Variants in FXR2 observed in about 807,000 individuals in gnomAD.
FXR2 encodes the protein FMR1 autosomal homolog 2.
In FXR2, 9 loss-of-function variants were observed where a neutral mutation model predicts 87.3. The observed-to-expected ratio is 0.10, with a 90% confidence interval of 0.06 to 0.18. The LOEUF (loss-of-function observed/expected upper bound fraction) is 0.18. Ranked by LOEUF, FXR2 falls within the 10% of genes least tolerant of loss-of-function variation. The pLI, the probability that FXR2 is intolerant of heterozygous loss-of-function variation, is 1.00. For missense variants in FXR2, 661 were observed against 893.6 expected, an observed-to-expected ratio of 0.74 and a Z score of 3.32; for synonymous variants, 331 against 328.3, an observed-to-expected ratio of 1.01 and a Z score of -0.09.
intron 1 of FXR2, among the ~76,000 whole-genome samples, chr17:7,611,759 C>T (rs1016912444): frequency 2.6e-5 from 4 of 152,120 alleles, no homozygotes; most frequent in Admixed American, 6.6e-5. Flanking sequence ...ATGTACAATT[C>T]CAGAAGCAGT....
rs978802845 is a variant in FXR2, at chr17:7,593,519, TCGCTGCCAC to T, written c.1205_1213del (p.Gly402_Ser404del). 24 of 1,588,016 alleles carry T rather than the reference TCGCTGCCAC, an allele frequency of 1.5e-5. No individual in the cohort carries two copies. Among genetic ancestry groups the T allele is most frequent in the Middle Eastern group, 1.6e-4 (1 of 6,068 alleles). ...CTCATCAGTGCTATATCCAGCCTTG[TCGCTGCCAC>T]CGCTGCCCCGCCCACTCCCAGGAGG... On this transcript the variant is annotated inframe_deletion, in exon 12 of 17. Transcript: ENST00000250113. The surrounding 1 kb of genome is among the most constrained non-coding windows in gnomAD (Gnocchi z 6.1).
chr17:7,609,955 C>CATATACATGTATATGTATACAT (rs2071839932), intron 1 of FXR2, among the ~76,000 whole-genome samples: 1 of 86,414 alleles, frequency 1.2e-5, no homozygotes, highest in Non-Finnish European at 2.4e-5. Flanking sequence ...TATATGTATA[C>CATATACATGTATATGTATACAT]ATATATATAC....
Position 7,591,521 on chromosome 17 carries a change from C to T in FXR2, c.*309G>A, listed in dbSNP as rs951840609. Reference sequence around the variant, plus strand: ...ATCTGGGTGGGTCGAGGAGCACCCCCCACCAACAGGTGGAGAATGGGGGTG... The same window carrying T: ...ATCTGGGTGGGTCGAGGAGCACCCCTCACCAACAGGTGGAGAATGGGGGTG... On this transcript the variant is annotated 3_prime_UTR_variant, in exon 17 of 17. Transcript: ENST00000250113. The surrounding 1 kb of genome is among the most constrained non-coding windows in gnomAD (Gnocchi z 4.0). 1.4e-5 allele frequency: 5 copies of T among 350,886 alleles called. No homozygotes were observed. In the Admixed American group the frequency reaches 2.2e-4, roughly 15 times the overall value. 21.7% of individuals were successfully genotyped at this position (350,886 alleles called of 1,614,324 possible).
In FXR2 at chr17:7,592,141, A is replaced by T; in HGVS notation, c.1926+113T>A. 6.5e-7 allele frequency: 1 copy of T among 1,535,702 alleles called. No individual in the cohort carries two copies. The highest frequency in any genetic ancestry group is 2.3e-5 in the East Asian group (1 of 44,182). ...CAAAGTTTACACTGGTCTAAACTCC[A>T]TCAGACACAGCTGCCTCTGCAATTC... On this transcript the variant is annotated intron_variant, in intron 16 of 16. Transcript: ENST00000250113. This position sits in a 1 kb window ranked among gnomAD's most constrained non-coding sequence, Gnocchi z 4.8.
chr17:7,600,963 T>C (rs966732821), intron 7 of FXR2, among the ~76,000 whole-genome samples: 7 of 151,798 alleles, frequency 4.6e-5, no homozygotes, highest in Admixed American at 4.6e-4. Flanking sequence ...GTGGATCACA[T>C]GAGGCCAGGA....
intron 2 of FXR2, 177 bp downstream of exon 2, chr17:7,605,920 A>G: frequency 1.6e-6 from 1 of 644,604 alleles, no homozygotes; most frequent in Non-Finnish European, 2.7e-6. Flanking sequence ...TACTGGGTCA[A>G]ATGCCCCCAC....
intron 1 of FXR2, among the ~76,000 whole-genome samples, chr17:7,610,130 G>C (rs1425132231): frequency 6.6e-6 from 1 of 151,810 alleles, no homozygotes; most frequent in Non-Finnish European, 1.5e-5. Flanking sequence ...GGGTGGCTGA[G>C]ATATGAGAAT....
At chr17:7,601,703 C>CG (rs1334221963) in intron 6 of FXR2, among the ~76,000 whole-genome samples, 178 bp from the exon 7 acceptor site, 1 of 152,018 alleles carries the variant, frequency 6.6e-6, no homozygotes, top group African/African-American at 2.4e-5. Flanking sequence ...CCAAGGCAGG[C>CG]GGATCACGAG....
intron 2 of FXR2, 72 bp from the exon 3 acceptor site, chr17:7,605,810 A>T: frequency 1.1e-6 from 1 of 909,198 alleles, no homozygotes. Context: ...CAAAAGGGTT[A>T]TTGCCTCAGC....
chr17:7,613,757 T>C (rs78766798), intron 1 of FXR2, among the ~76,000 whole-genome samples: 6,911 of 152,282 alleles, frequency 0.045, 248 homozygotes, highest in Non-Finnish European at 0.073. Context: ...CTCAAATCCA[T>C]TCCTGAGTAG....
At chr17:7,609,921 CATGTAT>C (rs1186706479) in intron 1 of FXR2, among the ~76,000 whole-genome samples, 1 of 130,536 alleles carries the variant, frequency 7.7e-6, no homozygotes, top group Admixed American at 8.4e-5. Context: ...TGTATATATA[CATGTAT>C]ATGTATATAT....
At chr17:7,603,693 A>G (rs1876092021) in intron 5 of FXR2, 64 bp downstream of exon 5, 1 of 1,517,744 alleles carries the variant, frequency 6.6e-7, no homozygotes, top group Non-Finnish European at 9.1e-7. Flanking sequence ...GATGCCTGGG[A>G]GAAATAAAGC....
At chr17:7,604,402 GAA>G (rs201181073) in intron 3 of FXR2, among the ~76,000 whole-genome samples, 4 of 150,326 alleles carry the variant, frequency 2.7e-5, no homozygotes, top group Non-Finnish European at 4.4e-5. Context: ...CCACTTCCAC[GAA>G]AAAAAAAGAG....
rs777787552 is a variant in FXR2 at position 7,591,827 on chromosome 17, GT to G, written c.*2del. On this transcript the variant is annotated 3_prime_UTR_variant, in exon 17 of 17. Coordinates refer to ENST00000250113, the MANE Select transcript of FXR2 (RefSeq NM_004860.4). The surrounding 1 kb of genome is among the most constrained non-coding windows in gnomAD (Gnocchi z 4.0). Reference sequence around the variant, plus strand: ...GAGAAGGGAGGGGTGCAGGTTGGAGGTTTTATGAAACCCCATTCACCATACT... The same window carrying G: ...GAGAAGGGAGGGGTGCAGGTTGGAGGTTTATGAAACCCCATTCACCATACT... 21 of 1,485,018 alleles carry G rather than the reference GT, an allele frequency of 1.4e-5. No individual in the cohort carries two copies. The highest frequency in any genetic ancestry group is 6.7e-5 in the Admixed American group (4 of 59,852). 92.0% of individuals were successfully genotyped at this position (1,485,018 alleles called of 1,614,324 possible). A position where few individuals can be genotyped will look rare whatever the true frequency, so the allele number is the denominator to read the frequency against.
At chr17:7,607,149 C>T (rs962309067) in intron 1 of FXR2, among the ~76,000 whole-genome samples, 3 of 151,948 alleles carry the variant, frequency 2.0e-5, no homozygotes, top group African/African-American at 7.2e-5. Context: ...GAAACCCCGT[C>T]TCTACTAAAA....
chr17:7,602,144 C>T (rs1461883381), intron 6 of FXR2, among the ~76,000 whole-genome samples: 2 of 152,104 alleles, frequency 1.3e-5, no homozygotes, highest in African/African-American at 4.8e-5. Flanking sequence ...GGGTCAGAGG[C>T]CGGGCGTGGT....
In FXR2 at chr17:7,594,751, C is replaced by T. The variant is rs1011830446; in HGVS notation, c.838G>A (p.Glu280Lys). 1.2e-6 allele frequency: 2 copies of T among 1,607,030 alleles called. No homozygotes were observed. The highest frequency in any genetic ancestry group is 8.5e-7 in the Non-Finnish European group (1 of 1,173,666). Residue 280 changes from glutamate (E) to lysine (K), a missense_variant, in exon 9 of 17, where the codon GAG becomes AAG. Physicochemically the swap from Glu to Lys is moderately conservative, Grantham distance 56. This residue lies in a region of FXR2 where 82 missense variants were observed against 214.4 expected (regional missense o/e 0.38). Coordinates refer to ENST00000250113, the MANE Select transcript of FXR2 (RefSeq NM_004860.4). This position sits in a 1 kb window ranked among gnomAD's most constrained non-coding sequence, Gnocchi z 5.1. ...TAGCTTCGGGCCTGTCGGCAAGCCT[C>T]GGGAGTCTAAAGGAAGAACAGCAGG... ...CTFRIYGETPEACRQARSYLE... is the reference protein window; with the variant it reads ...CTFRIYGETPKACRQARSYLE...
Position 7,595,753 on chromosome 17 carries a change from C to A in FXR2, c.831+71G>T. On this transcript the variant is annotated intron_variant, in intron 8 of 16. Transcript: ENST00000250113. This position sits in a 1 kb window ranked among gnomAD's most constrained non-coding sequence, Gnocchi z 4.7. Reference sequence around the variant, plus strand: ...GTGAGCCACTGTGCCCAGTTTGAGGCTTATTTTCTACTTCGGCCTCTCTTC... The same window carrying A: ...GTGAGCCACTGTGCCCAGTTTGAGGATTATTTTCTACTTCGGCCTCTCTTC... 3 of 1,298,040 alleles carry A rather than the reference C, an allele frequency of 2.3e-6. No homozygotes were observed. Among genetic ancestry groups the A allele is most frequent in the Non-Finnish European group, 2.2e-6 (2 of 914,792 alleles). 80.4% of individuals were successfully genotyped at this position (1,298,040 alleles called of 1,614,324 possible). A position where few individuals can be genotyped will look rare whatever the true frequency, so the allele number is the denominator to read the frequency against.
chr17:7,602,852 G>C (rs1444621983), intron 6 of FXR2, 57 bp downstream of exon 6: 7 of 848,602 alleles, frequency 8.2e-6, no homozygotes, highest in Non-Finnish European at 1.4e-5. Context: ...GGGTTAAAAA[G>C]GGAAAAAGAA....
Sources: gnomAD v4.1 joint callset for allele counts (sites outside exome capture counted in the v4.1 genomes callset) on GRCh38, gnomAD v4.1.1 for gene constraint, gnomAD v4.1.1 regional missense constraint, Gnocchi (gnomAD v3.1) non-coding constraint, MANE v1.5 for transcripts, NCBI Gene and HGNC (gene_info 2026-07-23, HGNC 2026-07-21) for gene names.